The following STX8 variants were observed in gnomAD, a reference collection of about 807,000 sequenced individuals.
STX8 encodes syntaxin-8.
In STX8, 23 loss-of-function variants were observed where a neutral mutation model predicts 37.5. The observed-to-expected ratio is 0.61, with a 90% confidence interval of 0.44 to 0.87. The LOEUF is 0.87. Among genes scored for constraint, STX8 ranks in the 40% least tolerant of loss-of-function variants. STX8 has a pLI of 0.00. For synonymous variants in STX8, 115 were observed against 99.1 expected (o/e 1.16, Z -0.95); for missense variants, 313 against 284.7 (o/e 1.10, Z -0.71).
At chr17:9,511,578 G>C (rs1042068246) in intron 4 of STX8, among the ~76,000 whole-genome samples, 4 of 151,968 alleles carry the variant, frequency 2.6e-5, no homozygotes, top group African/African-American at 9.7e-5. Context: ...CAATAAACTA[G>C]GTATAGAAGG....
At chr17:9,306,957 C>T (rs1909016420) in intron 7 of STX8, among the ~76,000 whole-genome samples, 1 of 149,860 alleles carries the variant, frequency 6.7e-6, no homozygotes, top group Non-Finnish European at 1.5e-5. Flanking sequence ...AACCCCATCT[C>T]TACTAAAAAT....
At chr17:9,535,774 T>C (rs142586369) in intron 4 of STX8, among the ~76,000 whole-genome samples, 2,165 of 152,224 alleles carry the variant, frequency 0.014, 36 homozygotes, top group Non-Finnish European at 0.022. Context: ...AGATATACTT[T>C]CACATATGCA....
chr17:9,550,885 G>C (rs1038163533), intron 3 of STX8, among the ~76,000 whole-genome samples: 1 of 152,156 alleles, frequency 6.6e-6, no homozygotes, highest in Non-Finnish European at 1.5e-5. Context: ...GACCAGCCTG[G>C]CCAACATGGC....
At chr17:9,511,586 A>C (rs570039000) in intron 4 of STX8, among the ~76,000 whole-genome samples, 19 of 152,282 alleles carry the variant, frequency 1.2e-4, no homozygotes, top group African/African-American at 4.3e-4. Flanking sequence ...TAGGTATAGA[A>C]GGAAAGTACC....
chr17:9,285,491 T>G (rs527421637), intron 7 of STX8, among the ~76,000 whole-genome samples: 1 of 150,978 alleles, frequency 6.6e-6, no homozygotes, highest in South Asian at 2.1e-4. Flanking sequence ...GTGTCTTCAA[T>G]ACCACATTTC....
At chr17:9,434,345 A>C (rs1904349178) in intron 6 of STX8, among the ~76,000 whole-genome samples, 1 of 152,206 alleles carries the variant, frequency 6.6e-6, no homozygotes, top group African/African-American at 2.4e-5. Context: ...CCTCAATGTG[A>C]CAAGAAGCCA....
At chr17:9,547,671 A>C (rs1906596637) in intron 3 of STX8, among the ~76,000 whole-genome samples, 1 of 150,192 alleles carries the variant, frequency 6.7e-6, no homozygotes, top group Admixed American at 6.7e-5. Context: ...AGAAATACAC[A>C]CTAAAACAAG....
At chr17:9,440,549 G>A (rs1904609534) in intron 6 of STX8, among the ~76,000 whole-genome samples, 1 of 147,750 alleles carries the variant, frequency 6.8e-6, no homozygotes, top group African/African-American at 2.5e-5. Context: ...TTTTGAGACG[G>A]AGTCTCGCTC....
intron 6 of STX8, among the ~76,000 whole-genome samples, chr17:9,445,763 C>G (rs1170805494): frequency 6.6e-6 from 1 of 151,892 alleles, no homozygotes; most frequent in Non-Finnish European, 1.5e-5. Context: ...AAGCACACTA[C>G]TTTTTCAATA....
chr17:9,352,748 C>T (rs867725184), intron 7 of STX8, among the ~76,000 whole-genome samples: 12 of 151,468 alleles, frequency 7.9e-5, no homozygotes, highest in African/African-American at 2.9e-4. Flanking sequence ...GTGATCCACC[C>T]GCCTCGGCCT....
intron 4 of STX8, among the ~76,000 whole-genome samples, chr17:9,512,105 G>GA (rs1224232013): frequency 6.6e-6 from 1 of 152,038 alleles, no homozygotes; most frequent in East Asian, 1.9e-4. Flanking sequence ...TACAGACAAA[G>GA]GCAAAGTTAT....
At chr17:9,340,909 G>A (rs901257734) in intron 7 of STX8, among the ~76,000 whole-genome samples, 1 of 149,624 alleles carries the variant, frequency 6.7e-6, no homozygotes, top group East Asian at 1.9e-4. Flanking sequence ...TGCCTGCCTC[G>A]GCCTCTCAAA....
intron 7 of STX8, among the ~76,000 whole-genome samples, chr17:9,254,219 T>A (rs1906700466): frequency 6.6e-6 from 1 of 152,168 alleles, no homozygotes; most frequent in South Asian, 2.1e-4. Flanking sequence ...CCCAACAGGC[T>A]GATGCAGAAG....
intron 7 of STX8, among the ~76,000 whole-genome samples, chr17:9,287,047 T>G (rs1383711220): frequency 6.6e-6 from 1 of 152,164 alleles, no homozygotes; most frequent in Non-Finnish European, 1.5e-5. Flanking sequence ...TGAATGCCCT[T>G]GGTTATCTCT....
At chr17:9,359,503 ATTTT>A (rs145808683) in intron 7 of STX8, among the ~76,000 whole-genome samples, 2 of 91,738 alleles carry the variant, frequency 2.2e-5, no homozygotes, top group Non-Finnish European at 4.4e-5. Flanking sequence ...GCTGAGACAT[ATTTT>A]TTTTTTTTTT....
intron 7 of STX8, among the ~76,000 whole-genome samples, chr17:9,349,816 C>T (rs1404760195): frequency 6.6e-6 from 1 of 151,388 alleles, no homozygotes; most frequent in South Asian, 2.1e-4. Context: ...GAAATAAATG[C>T]CTACGGGATG....
chr17:9,518,677 G>T (rs1567594669), intron 4 of STX8, among the ~76,000 whole-genome samples: 1 of 152,138 alleles, frequency 6.6e-6, no homozygotes, highest in East Asian at 1.9e-4. Flanking sequence ...GACCAGCCTG[G>T]CCAACATGGT....
chr17:9,329,925 T>G (rs1909907994), intron 7 of STX8, among the ~76,000 whole-genome samples: 1 of 152,068 alleles, frequency 6.6e-6, no homozygotes, highest in South Asian at 2.1e-4. Flanking sequence ...AGGGTCAGAT[T>G]GGAAGCAGCA....
intron 7 of STX8, among the ~76,000 whole-genome samples, chr17:9,342,455 C>CT (rs1910393555): frequency 6.6e-6 from 1 of 152,086 alleles, no homozygotes; most frequent in Non-Finnish European, 1.5e-5. Flanking sequence ...AGGGAGAGCC[C>CT]TAAGCGTGCA....
Sources: allele counts gnomAD v4.1 joint callset (sites outside exome capture counted in the v4.1 genomes callset), GRCh38; gene constraint gnomAD v4.1.1; transcripts MANE v1.5; gene names NCBI Gene and HGNC (gene_info 2026-07-23, HGNC 2026-07-21).